The following LDB2 variants were observed in gnomAD, a reference collection of about 807,000 sequenced individuals.
LDB2 encodes LIM domain binding 2.
In LDB2, 12 loss-of-function variants were observed where a neutral mutation model predicts 44.3. That is an observed-to-expected ratio of 0.27 (90% CI 0.17 to 0.44). The LOEUF (loss-of-function observed/expected upper bound fraction) is 0.44, where lower values mean the gene tolerates loss of function less well. Ranked by LOEUF, LDB2 falls within the 20% of genes least tolerant of loss-of-function variation. The probability of loss-of-function intolerance (pLI) is 1.00; values close to 1 mark genes in which losing one functional copy is unlikely to be tolerated. For synonymous variants in LDB2, 164 were observed against 174.8 expected, an observed-to-expected ratio of 0.94 and a Z score of 0.49; for missense variants, 344 against 473.5, an observed-to-expected ratio of 0.73 and a Z score of 2.54.
chr4:16,780,602 C>T (rs1468093813), intron 1 of LDB2, among the ~76,000 whole-genome samples: 1 of 152,136 alleles, frequency 6.6e-6, no homozygotes, highest in African/African-American at 2.4e-5. Context: ...AGAATGCAAG[C>T]CAAGGAGACG....
At chr4:16,645,478 A>T (rs1224017518) in intron 2 of LDB2, among the ~76,000 whole-genome samples, 1 of 146,680 alleles carries the variant, frequency 6.8e-6, no homozygotes. Context: ...CGGAGCCTGC[A>T]GTGAGCCGAG....
chr4:16,891,665 G>A (rs1052989471), intron 1 of LDB2, among the ~76,000 whole-genome samples: 3 of 152,000 alleles, frequency 2.0e-5, no homozygotes, highest in African/African-American at 7.2e-5. Context: ...AGTACCCAGG[G>A]TATATTTTCC....
intron 5 of LDB2, among the ~76,000 whole-genome samples, chr4:16,563,072 G>C (rs893139460): frequency 1.2e-4 from 18 of 151,910 alleles, no homozygotes; most frequent in Admixed American, 1.1e-3. Context: ...GTTGTGGGGT[G>C]GGGGGAGAGG....
At chr4:16,599,436 C>T (rs1721965846) in intron 2 of LDB2, among the ~76,000 whole-genome samples, 1 of 152,072 alleles carries the variant, frequency 6.6e-6, no homozygotes, top group South Asian at 2.1e-4. Context: ...TGCCCTGAAT[C>T]CACCCAAAGA....
intron 2 of LDB2, among the ~76,000 whole-genome samples, chr4:16,700,411 T>C (rs1253764957): frequency 6.6e-6 from 1 of 152,204 alleles, no homozygotes; most frequent in Non-Finnish European, 1.5e-5. Context: ...AAGAAGATAT[T>C]CTTATCCTGA....
intron 1 of LDB2, among the ~76,000 whole-genome samples, chr4:16,875,587 A>G (rs1437424155): frequency 1.3e-5 from 2 of 152,226 alleles, no homozygotes; most frequent in African/African-American, 4.8e-5. Context: ...TTTATAAAAG[A>G]AAGTTTTGAC....
At chr4:16,554,258 C>T (rs989000328) in intron 5 of LDB2, among the ~76,000 whole-genome samples, 1 of 152,078 alleles carries the variant, frequency 6.6e-6, no homozygotes, top group African/African-American at 2.4e-5. Flanking sequence ...CCATGTTGGT[C>T]AGGCTGGTCT....
chr4:16,554,346 G>A (rs139948412), intron 5 of LDB2, among the ~76,000 whole-genome samples: 32 of 152,230 alleles, frequency 2.1e-4, no homozygotes, highest in African/African-American at 6.5e-4. Context: ...CACTGCGCCC[G>A]GCCAGCCGAA....
At chr4:16,723,889 C>A (rs1178246117) in intron 2 of LDB2, among the ~76,000 whole-genome samples, 1 of 152,124 alleles carries the variant, frequency 6.6e-6, no homozygotes, top group Admixed American at 6.5e-5. Flanking sequence ...CTGCTACCAC[C>A]TCTTCTTGTC....
chr4:16,864,683 G>A (rs1401675428), intron 1 of LDB2, among the ~76,000 whole-genome samples: 1 of 152,204 alleles, frequency 6.6e-6, no homozygotes, highest in South Asian at 2.1e-4. Context: ...TTAGCACTTT[G>A]GGAGGCCGAG....
intron 5 of LDB2, among the ~76,000 whole-genome samples, chr4:16,519,931 G>C (rs1725356017): frequency 6.6e-6 from 1 of 152,062 alleles, no homozygotes; most frequent in African/African-American, 2.4e-5. Context: ...TTATGGGACT[G>C]AGAAGCTTCT....
At chr4:16,520,171 T>A (rs1472329055) in intron 5 of LDB2, among the ~76,000 whole-genome samples, 1 of 151,916 alleles carries the variant, frequency 6.6e-6, no homozygotes, top group African/African-American at 2.4e-5. Flanking sequence ...CTCCTCTGGC[T>A]AAATCCGTAC....
chr4:16,827,019 G>T (rs142027967), intron 1 of LDB2, among the ~76,000 whole-genome samples: 2 of 152,150 alleles, frequency 1.3e-5, no homozygotes, highest in Non-Finnish European at 2.9e-5. Context: ...AGATTCCCTC[G>T]TGAGAACCTG....
At chr4:16,778,187 T>C (rs781310075) in intron 1 of LDB2, among the ~76,000 whole-genome samples, 1 of 152,198 alleles carries the variant, frequency 6.6e-6, no homozygotes, top group Non-Finnish European at 1.5e-5. Flanking sequence ...GTCTGACATC[T>C]GAATGTTAGC....
At position 16,687,952 on chromosome 4, in the gene LDB2, G is replaced by C. The variant is rs1578787254; in HGVS notation, c.235+71206C>G. ...ACATTGCCTACAGTGATTCAGAAAA[G>C]TAGTATCCCACTTGTTCAGCACCTA... is the stretch of plus-strand genomic sequence containing the variant. On this transcript the variant is annotated intron_variant, in intron 2 of 7. Transcript: ENST00000304523. Among the ~76,000 whole-genome samples the C allele has an allele frequency of 5.9e-5, 9 of 152,320 alleles. No individual in the cohort carries two copies. The South Asian group carries it at 1.9e-3, about 32-fold the overall frequency.
At chr4:16,515,087 A>G (rs1430625080) in intron 5 of LDB2, among the ~76,000 whole-genome samples, 2 of 152,264 alleles carry the variant, frequency 1.3e-5, no homozygotes, top group African/African-American at 4.8e-5. Flanking sequence ...CACATTCACC[A>G]TAGAATACTA....
intron 1 of LDB2, among the ~76,000 whole-genome samples, chr4:16,881,034 G>C (rs1719947743): frequency 6.6e-6 from 1 of 152,024 alleles, no homozygotes; most frequent in Non-Finnish European, 1.5e-5. Context: ...ACAGATACTG[G>C]TCCCACAGTT....
intron 1 of LDB2, among the ~76,000 whole-genome samples, chr4:16,896,867 T>C (rs572282325): frequency 6.6e-6 from 1 of 152,224 alleles, no homozygotes; most frequent in East Asian, 1.9e-4. Flanking sequence ...CAAAGCAACA[T>C]ACACAAAACA....
At chr4:16,807,678 C>T (rs111619724) in intron 1 of LDB2, among the ~76,000 whole-genome samples, 10 of 152,314 alleles carry the variant, frequency 6.6e-5, no homozygotes, top group Admixed American at 2.0e-4. Flanking sequence ...TGGAGAAACA[C>T]AAGCCCTTCC....
Sources: allele counts gnomAD v4.1 joint callset (sites outside exome capture counted in the v4.1 genomes callset), GRCh38; gene constraint gnomAD v4.1.1; transcripts MANE v1.5; gene names NCBI Gene and HGNC (gene_info 2026-07-23, HGNC 2026-07-21).